MIPEP: variants seen among roughly 807,000 people sequenced by gnomAD.
MIPEP encodes the protein mitochondrial intermediate peptidase.
In MIPEP, 79 loss-of-function variants were observed where a neutral mutation model predicts 90.3. The observed-to-expected ratio is 0.87, with a 90% CI of 0.73 to 1.05. The LOEUF (loss-of-function observed/expected upper bound fraction) is 1.05. MIPEP is among the 50% of genes least tolerant of loss of function. The pLI is 0.00. For synonymous variants in MIPEP, 334 were observed against 315.8 expected (o/e 1.06, Z -0.61); for missense variants, 940 against 905.6 (o/e 1.04, Z -0.49).
At chr13:23,870,756 G>T (rs956430212) in intron 5 of MIPEP, among the ~76,000 whole-genome samples, 4 of 152,006 alleles carry the variant, frequency 2.6e-5, no homozygotes, top group African/African-American at 9.7e-5. Flanking sequence ...AATGAGCCGA[G>T]ATCGCACCAC....
At chr13:23,732,608 C>T (rs939752689) in intron 18 of MIPEP, among the ~76,000 whole-genome samples, 2 of 152,178 alleles carry the variant, frequency 1.3e-5, no homozygotes, top group African/African-American at 4.8e-5. Context: ...TTCATACATG[C>T]AACAACACAA....
intron 17 of MIPEP, among the ~76,000 whole-genome samples, chr13:23,758,683 G>A (rs1189756626): frequency 6.6e-6 from 1 of 152,174 alleles, no homozygotes; most frequent in African/African-American, 2.4e-5. Flanking sequence ...AAATACATGT[G>A]AGTACCAAGC....
chr13:23,865,503 T>C (rs1870490728), intron 7 of MIPEP, among the ~76,000 whole-genome samples: 1 of 152,196 alleles, frequency 6.6e-6, no homozygotes, highest in African/African-American at 2.4e-5. Context: ...CATTATTTAG[T>C]CAACAATGAA....
chr13:23,836,246 A>T lies in MIPEP; in HGVS notation c.1647T>A (p.Thr549=). The change falls in exon 14 of 19, where the codon ACT becomes ACA. Residue 549 remains threonine (T), a synonymous_variant. Transcript: ENST00000382172. ...VVNQFARHYQ[T]GQPLPKNMVS... ...ACAATATTACTGTTCCTACCTGTCC[A>T]GTCTGATAATGTCTGGCAAATTGGT... The T allele has an allele frequency of 6.3e-7, 1 of 1,591,760 alleles. No homozygotes were observed. The highest frequency in any genetic ancestry group is 8.6e-7 in the Non-Finnish European group (1 of 1,167,652).
chr13:23,787,538 A>G (rs183270763), intron 16 of MIPEP, among the ~76,000 whole-genome samples: 9 of 152,252 alleles, frequency 5.9e-5, no homozygotes, highest in African/African-American at 2.2e-4. Flanking sequence ...AGATCTCCCA[A>G]AGGTCCCACC....
chr13:23,738,454 T>C (rs1952288401), intron 18 of MIPEP, among the ~76,000 whole-genome samples: 1 of 151,540 alleles, frequency 6.6e-6, no homozygotes, highest in South Asian at 2.1e-4. Context: ...CTGAGTTTTT[T>C]TTTTTTTTTT....
chr13:23,865,193 TA>T (rs1230285244), intron 7 of MIPEP, among the ~76,000 whole-genome samples: 1 of 152,234 alleles, frequency 6.6e-6, no homozygotes, highest in African/African-American at 2.4e-5. Flanking sequence ...TAGCACTTTT[TA>T]TCACTGACTT....
intron 9 of MIPEP, among the ~76,000 whole-genome samples, chr13:23,859,791 T>G (rs1273903521): frequency 6.6e-6 from 1 of 152,228 alleles, no homozygotes; most frequent in Non-Finnish European, 1.5e-5. Context: ...TCAACAAATG[T>G]TGGCTACTCT....
intron 2 of MIPEP, among the ~76,000 whole-genome samples, chr13:23,882,856 A>T (rs927525078): frequency 2.6e-5 from 4 of 152,106 alleles, no homozygotes; most frequent in African/African-American, 9.7e-5. Context: ...TAAATTTACA[A>T]CATTTTTTTT....
chr13:23,829,153 A>C (rs1868615177), intron 14 of MIPEP, among the ~76,000 whole-genome samples: 1 of 152,226 alleles, frequency 6.6e-6, no homozygotes, highest in African/African-American at 2.4e-5. Context: ...GCCTTATGCC[A>C]AACCCAGAAA....
At chr13:23,806,705 CAAA>C (rs1003938632) in intron 15 of MIPEP, among the ~76,000 whole-genome samples, 8 of 141,820 alleles carry the variant, frequency 5.6e-5, no homozygotes, top group Non-Finnish European at 9.3e-5. Context: ...ACAACAACAA[CAAA>C]AAAATCTATA....
intron 16 of MIPEP, among the ~76,000 whole-genome samples, chr13:23,782,938 A>G (rs551845960): frequency 1.5e-4 from 23 of 152,362 alleles, no homozygotes; most frequent in Middle Eastern, 3.4e-3. Flanking sequence ...GACCAATAAC[A>G]GGCTCTGAAA....
intron 3 of MIPEP, among the ~76,000 whole-genome samples, chr13:23,880,108 G>A (rs1871216553): frequency 6.6e-6 from 1 of 152,126 alleles, no homozygotes; most frequent in South Asian, 2.1e-4. Flanking sequence ...CTCACCAGTC[G>A]CTACTCAGAG....
intron 14 of MIPEP, among the ~76,000 whole-genome samples, chr13:23,814,117 G>A (rs1335570918): frequency 6.6e-6 from 1 of 152,124 alleles, no homozygotes; most frequent in Admixed American, 6.5e-5. Context: ...TCAGCTGCAC[G>A]TTTTACCAGA....
intron 14 of MIPEP, 37 bp from the exon 15 acceptor site, chr13:23,809,961 G>A: frequency 7.4e-7 from 1 of 1,353,842 alleles, no homozygotes; most frequent in Non-Finnish European, 1.1e-6. Context: ...TGAGTAAACT[G>A]CGTAATAAGT....
chr13:23,831,797 A>G lies in MIPEP; in HGVS notation c.1653+4443T>C, dbSNP rs571188185. On this transcript the variant is annotated intron_variant, in intron 14 of 18. Transcript: ENST00000382172. ...ACCATGTTGGGGACCAAGTTTTAACATAAGTTTTGGTGGAGCAAACCATAT... is the reference window on the plus strand; with the variant it reads ...ACCATGTTGGGGACCAAGTTTTAACGTAAGTTTTGGTGGAGCAAACCATAT... Among the ~76,000 whole-genome samples, 8 of 152,346 alleles carry G rather than the reference A, an allele frequency of 5.3e-5. No individual in the cohort carries two copies. The South Asian group carries it at 6.2e-4, about 12-fold the overall frequency.
At chr13:23,748,127 G>A (rs1381665000) in intron 18 of MIPEP, among the ~76,000 whole-genome samples, 2 of 152,040 alleles carry the variant, frequency 1.3e-5, no homozygotes, top group Non-Finnish European at 2.9e-5. Flanking sequence ...TGCAACCTCC[G>A]ACTCCCAGGT....
intron 10 of MIPEP, among the ~76,000 whole-genome samples, chr13:23,853,562 CT>C (rs768091262): frequency 3.4e-3 from 477 of 138,582 alleles, no homozygotes; most frequent in African/African-American, 9.0e-3. Flanking sequence ...CCTAACGATG[CT>C]TTTTTTTTTT....
In MIPEP at chr13:23,869,398, C is replaced by G; in HGVS notation, c.837G>C (p.Leu279Phe). The G allele has an allele frequency of 6.2e-7, 1 of 1,612,812 alleles. No individual in the cohort carries two copies. Among genetic ancestry groups the G allele is most frequent in the South Asian group, 1.1e-5 (1 of 90,674 alleles). The change falls in exon 7 of 19, where the codon TTG becomes TTC. Residue 279 changes from leucine to phenylalanine, a missense_variant. Physicochemically the swap from Leu to Phe is conservative, Grantham distance 22. Transcript: ENST00000382172. Reference sequence around the variant, plus strand: ...TGCTGAGCAATTCTTCTAAACATTTCAATTGACCAGCATTGGGATAAAGAA... The same window carrying G: ...TGCTGAGCAATTCTTCTAAACATTTGAATTGACCAGCATTGGGATAAAGAA... Reference protein sequence around the residue: ...KIFLYPNAGQLKCLEELLSSR... With the variant: ...KIFLYPNAGQFKCLEELLSSR...
Sources: allele counts gnomAD v4.1 joint callset (sites outside exome capture counted in the v4.1 genomes callset), GRCh38; gene constraint gnomAD v4.1.1; transcripts MANE v1.5; gene names NCBI Gene and HGNC (gene_info 2026-07-23, HGNC 2026-07-21).